Variants in DHRS7C observed in about 807,000 individuals in gnomAD.
The protein encoded by DHRS7C is dehydrogenase/reductase 7C.
In DHRS7C, 28 loss-of-function variants were observed where a neutral mutation model predicts 29.6. That is an observed-to-expected ratio of 0.95 (90% CI 0.70 to 1.30). DHRS7C has a LOEUF of 1.30. Among genes scored for constraint, DHRS7C ranks in the 50% most tolerant of loss-of-function variants. The probability of loss-of-function intolerance (pLI) is 0.00; values close to 1 mark genes in which losing one functional copy is unlikely to be tolerated. For synonymous variants in DHRS7C, 158 were observed against 160.2 expected, an observed-to-expected ratio of 0.99 and a Z score of 0.10; for missense variants, 403 against 393.3, an observed-to-expected ratio of 1.02 and a Z score of -0.21.
At chr17:9,779,680 T>C (rs1030586637) in intron 3 of DHRS7C, 145 bp downstream of exon 3, 2 of 768,236 alleles carry the variant, frequency 2.6e-6, no homozygotes, top group Non-Finnish European at 2.1e-6. Context: ...ATGGGAATGG[T>C]GAAAGCTTTC....
At chr17:9,773,123 G>A (rs2066341378) in intron 4 of DHRS7C, among the ~76,000 whole-genome samples, 2 of 152,198 alleles carry the variant, frequency 1.3e-5, no homozygotes, top group South Asian at 4.1e-4. Context: ...ACTGAATGCA[G>A]CTTAGCCACT....
At chr17:9,789,075 A>T (rs2066440221) in intron 1 of DHRS7C, among the ~76,000 whole-genome samples, 1 of 152,210 alleles carries the variant, frequency 6.6e-6, no homozygotes, top group African/African-American at 2.4e-5. Flanking sequence ...TGAGATGATT[A>T]AAACAAACAC....
At chr17:9,790,544 C>A (rs1403390921) in intron 1 of DHRS7C, among the ~76,000 whole-genome samples, 2 of 152,206 alleles carry the variant, frequency 1.3e-5, no homozygotes, top group Non-Finnish European at 2.9e-5. Flanking sequence ...GTGTGGCCCA[C>A]TAGCGTGGGC....
At chr17:9,791,065 C>A (rs2066452003) in intron 1 of DHRS7C, 66 bp downstream of exon 1, 17 of 1,535,464 alleles carry the variant, frequency 1.1e-5, no homozygotes, top group Non-Finnish European at 1.5e-5. Flanking sequence ...TGCCGCCCTG[C>A]CACCCTGCCA....
At chr17:9,784,833 A>G (rs1422766372) in intron 1 of DHRS7C, among the ~76,000 whole-genome samples, 1 of 152,254 alleles carries the variant, frequency 6.6e-6, no homozygotes, top group Non-Finnish European at 1.5e-5. Flanking sequence ...GCCACTGTGA[A>G]TAACAATTTT....
chr17:9,782,634 G>T (rs1385110444), intron 1 of DHRS7C, among the ~76,000 whole-genome samples: 1 of 152,236 alleles, frequency 6.6e-6, no homozygotes, highest in East Asian at 1.9e-4. Flanking sequence ...CTTTGGGAAA[G>T]GAGGCATCTG....
At position 9,781,467 on chromosome 17, in the gene DHRS7C, G is replaced by T. The variant is rs771418584; in HGVS notation, c.267+15C>A. The T allele has an allele frequency of 1.9e-6, 3 of 1,612,750 alleles. No individual in the cohort carries two copies. Among genetic ancestry groups the T allele is most frequent in the East Asian group, 4.5e-5 (2 of 44,872 alleles). On this transcript the variant is annotated intron_variant, in intron 2 of 5. Coordinates refer to ENST00000571134, the MANE Select transcript of DHRS7C (RefSeq NM_001105571.3). ...TTCCCAGGAGTTACCCACGCCTACTGCTAGAAGACCTTACCTTGCTGGGGT... is the reference window on the plus strand; with the variant it reads ...TTCCCAGGAGTTACCCACGCCTACTTCTAGAAGACCTTACCTTGCTGGGGT...
At position 9,775,537 on chromosome 17, in the gene DHRS7C, A is replaced by G. The variant is rs894977382; in HGVS notation, c.571+1656T>C. Among the ~76,000 whole-genome samples the G allele has an allele frequency of 6.6e-6, 1 of 152,046 alleles. No individual in the cohort carries two copies. Among genetic ancestry groups the G allele is most frequent in the African/African-American group, 2.4e-5 (1 of 41,390 alleles). On this transcript the variant is annotated intron_variant, in intron 4 of 5. Coordinates refer to ENST00000571134, the MANE Select transcript of DHRS7C (RefSeq NM_001105571.3). The surrounding 1 kb of genome is among the most constrained non-coding windows in gnomAD (Gnocchi z 4.2). ...GGACCCAGTGGTGACCACACGGAAGATGTTGTTGATGGAATGACTTAGCAT... is the reference window on the plus strand; with the variant it reads ...GGACCCAGTGGTGACCACACGGAAGGTGTTGTTGATGGAATGACTTAGCAT...
At chr17:9,790,560 T>C (rs1428041397) in intron 1 of DHRS7C, among the ~76,000 whole-genome samples, 1 of 152,218 alleles carries the variant, frequency 6.6e-6, no homozygotes, top group Non-Finnish European at 1.5e-5. Context: ...TGGGCATGTT[T>C]TGCCTATATG....
In DHRS7C at chr17:9,771,785, G is replaced by A. The variant is rs185687253; in HGVS notation, c.728-89C>T. Reference sequence around the variant, plus strand: ...TGCACATGCACAAAGGCTGAGGGGCGGGAAGCGTGGGCTGTCCCCGGAGTC... The same window carrying A: ...TGCACATGCACAAAGGCTGAGGGGCAGGAAGCGTGGGCTGTCCCCGGAGTC... On this transcript the variant is annotated intron_variant, in intron 5 of 5. Coordinates refer to ENST00000571134, the MANE Select transcript of DHRS7C (RefSeq NM_001105571.3). 32 of 1,230,138 alleles carry A rather than the reference G, an allele frequency of 2.6e-5. No homozygotes were observed. In the African/African-American group the frequency reaches 4.8e-4, roughly 19 times the overall value. 76.2% of individuals were successfully genotyped at this position (1,230,138 alleles called of 1,614,324 possible).
At chr17:9,771,832 C>CGGGTGG in intron 5 of DHRS7C, 136 bp from the exon 6 acceptor site, 1 of 901,214 alleles carries the variant, frequency 1.1e-6, no homozygotes, top group Non-Finnish European at 1.5e-6. Flanking sequence ...GCCCCCTCCG[C>CGGGTGG]CACCCGCGGA....
Position 9,771,594 on chromosome 17 carries a change from G to C in DHRS7C, c.830C>G (p.Pro277Arg). 2 of 1,599,240 alleles carry C rather than the reference G, an allele frequency of 1.3e-6. No individual in the cohort carries two copies. Among genetic ancestry groups the C allele is most frequent in the Non-Finnish European group, 8.5e-7 (1 of 1,172,088 alleles). The change falls in exon 6 of 6, where the codon CCC becomes CGC. Residue 277 changes from proline (P) to arginine (R), a missense_variant. Pro to Arg is a moderately radical substitution (Grantham distance 103). Transcript: ENST00000571134. ...RKKQEVFMAN[P>R]IPKAAVYVRT... ...GACGTACACGGCGGCCTTGGGGATG[G>C]GGTTGGCCATAAACACCTCTTGCTT...
At position 9,791,457 on chromosome 17, in the gene DHRS7C, TACTC is replaced by T. The variant is rs1322525769; in HGVS notation, c.-177_-174del. Among the ~76,000 whole-genome samples the T allele has an allele frequency of 2.0e-5, 3 of 152,212 alleles. No homozygotes were observed. The highest frequency in any genetic ancestry group is 4.8e-5 in the African/African-American group (2 of 41,458). On this transcript the variant is annotated 5_prime_UTR_variant, in exon 1 of 6. Coordinates refer to ENST00000571134, the MANE Select transcript of DHRS7C (RefSeq NM_001105571.3). ...CCCAAATGTTCAACAAATAGGAAGT[TACTC>T]ACAGTGTCTCCGAAAGCAGACCGAA...
Position 9,772,821 on chromosome 17 carries a change from G to T in DHRS7C, c.673C>A (p.Arg225=). 1.2e-6 allele frequency: 2 copies of T among 1,613,960 alleles called. No individual in the cohort carries two copies. Among genetic ancestry groups the T allele is most frequent in the Admixed American group, 1.7e-5 (1 of 60,022 alleles). Residue 225 remains arginine (R), a synonymous_variant, in exon 5 of 6, where the codon CGG becomes AGG. Transcript: ENST00000571134. ...VISTVSPTFI[R]SYHVYPEQGN... ...TGCTCTGGATACACGTGGTACGACC[G>T]GATGAAAGTCGGGCTCACGGTGCTG...
At chr17:9,784,587 T>G (rs1477640879) in intron 1 of DHRS7C, among the ~76,000 whole-genome samples, 1 of 152,162 alleles carries the variant, frequency 6.6e-6, no homozygotes, top group Non-Finnish European at 1.5e-5. Context: ...AATCTATATG[T>G]CAGAAAAGGG....
At position 9,772,866 on chromosome 17, in the gene DHRS7C, C is replaced by A. The variant is rs201924684; in HGVS notation, c.628G>T (p.Glu210Ter). Residue 210 changes from glutamate to a stop codon, truncating the protein, a stop_gained, in exon 5 of 6, where the codon GAG (glutamate) becomes TAG (stop). Coordinates refer to ENST00000571134, the MANE Select transcript of DHRS7C (RefSeq NM_001105571.3). LOFTEE classifies it high-confidence loss of function. ...GTGCTGATGACAACATCGTATTCCT[C>A]CACTTCGGCTCGGAGGCAGTCAAAG... ...GFFDCLRAEV[E>*]EYDVVISTVS... 1.2e-5 allele frequency: 19 copies of A among 1,613,924 alleles called. No homozygotes were observed. In the East Asian group the frequency reaches 4.0e-4, roughly 34 times the overall value.
chr17:9,786,571 C>T (rs2066425405), intron 1 of DHRS7C, among the ~76,000 whole-genome samples: 4 of 151,630 alleles, frequency 2.6e-5, no homozygotes, highest in Non-Finnish European at 4.4e-5. Context: ...TGGGGTTCTA[C>T]GTGTGTTTTG....
intron 3 of DHRS7C, among the ~76,000 whole-genome samples, 193 bp downstream of exon 3, chr17:9,779,632 A>G (rs1045549695): frequency 1.3e-5 from 2 of 152,192 alleles, no homozygotes; most frequent in African/African-American, 4.8e-5. Context: ...TACCAATCAG[A>G]TACTTCCTGA....
chr17:9,781,416 C>A, intron 2 of DHRS7C, 66 bp downstream of exon 2: 1 of 1,490,572 alleles, frequency 6.7e-7, no homozygotes, highest in Non-Finnish European at 9.3e-7. Flanking sequence ...AAGAGCTGGT[C>A]CTGAACAATC....
Sources: gnomAD v4.1 joint callset for allele counts (sites outside exome capture counted in the v4.1 genomes callset) on GRCh38, gnomAD v4.1.1 for gene constraint, Gnocchi (gnomAD v3.1) non-coding constraint, MANE v1.5 for transcripts, NCBI Gene and HGNC (gene_info 2026-07-23, HGNC 2026-07-21) for gene names.